Variants in AGTPBP1 observed in about 807,000 individuals in gnomAD.
AGTPBP1 encodes the protein cytosolic carboxypeptidase 1.
Under a neutral mutation model 143.9 loss-of-function variants are expected in AGTPBP1, and 70 were observed. The ratio of observed to expected loss-of-function variants is 0.49; its 90% confidence interval spans 0.40 to 0.59. The LOEUF (loss-of-function observed/expected upper bound fraction) is 0.59. AGTPBP1 is among the 20% of genes least tolerant of loss of function. The pLI, the probability that AGTPBP1 is intolerant of heterozygous loss-of-function variation, is 0.00. For missense variants in AGTPBP1, 1,229 were observed against 1,464.5 expected, an observed-to-expected ratio of 0.84 and a Z score of 2.62; for synonymous variants, 463 against 500.2, an observed-to-expected ratio of 0.93 and a Z score of 0.99.
intron 2 of AGTPBP1, among the ~76,000 whole-genome samples, chr9:85,701,067 G>A (rs1411365399): frequency 6.6e-6 from 1 of 151,108 alleles, no homozygotes; most frequent in East Asian, 2.0e-4. Flanking sequence ...ACAGGCATGT[G>A]CCACCATGCC....
At chr9:85,643,942 T>C (rs1460190461) in intron 12 of AGTPBP1, among the ~76,000 whole-genome samples, 1 of 152,188 alleles carries the variant, frequency 6.6e-6, no homozygotes, top group Non-Finnish European at 1.5e-5. Context: ...TGTATTTACT[T>C]ACTACCAGAG....
At chr9:85,606,809 A>T (rs939207988) in intron 17 of AGTPBP1, among the ~76,000 whole-genome samples, 1 of 152,108 alleles carries the variant, frequency 6.6e-6, no homozygotes, top group Non-Finnish European at 1.5e-5. Context: ...ATAGAAAGAC[A>T]AATATTGCAT....
At chr9:85,754,228 G>T in the AGTPBP1 span, among the ~76,000 whole-genome samples, 1 of 152,188 alleles carries the variant, frequency 6.6e-6, no homozygotes, top group Non-Finnish European at 1.5e-5. Flanking sequence ...GTCTCGCTCT[G>T]TCGCCCAGGC....
intron 11 of AGTPBP1, among the ~76,000 whole-genome samples, chr9:85,649,560 C>T (rs1344812132): frequency 6.6e-6 from 1 of 152,102 alleles, no homozygotes; most frequent in East Asian, 1.9e-4. Flanking sequence ...CGGTTAAGAC[C>T]TTTCTTTTCC....
At chr9:85,659,251 C>A (rs1833713754) in intron 9 of AGTPBP1, among the ~76,000 whole-genome samples, 1 of 152,120 alleles carries the variant, frequency 6.6e-6, no homozygotes. Flanking sequence ...ACCAAACTCA[C>A]AATTAGCCTA....
chr9:85,758,427 G>T, the AGTPBP1 span, among the ~76,000 whole-genome samples: 1 of 152,094 alleles, frequency 6.6e-6, no homozygotes, highest in Non-Finnish European at 1.5e-5. Flanking sequence ...GGCAGGTCAC[G>T]GGAGGTCAGG....
At chr9:85,735,219 G>A (rs1009706415) in intron 1 of AGTPBP1, among the ~76,000 whole-genome samples, 21 of 152,168 alleles carry the variant, frequency 1.4e-4, no homozygotes, top group African/African-American at 3.4e-4. Flanking sequence ...CCTGACACAC[G>A]GTACAACATG....
chr9:85,760,338 A>G, the AGTPBP1 span, among the ~76,000 whole-genome samples: 1 of 152,244 alleles, frequency 6.6e-6, no homozygotes, highest in Admixed American at 6.5e-5. Flanking sequence ...TTAGACCAAT[A>G]TCCTTGATGA....
At chr9:85,796,157 TATAC>T in the AGTPBP1 span, among the ~76,000 whole-genome samples, 1 of 152,188 alleles carries the variant, frequency 6.6e-6, no homozygotes, top group South Asian at 2.1e-4. Context: ...ATATATCTAT[TATAC>T]ATACATACAT....
chr9:85,547,045 C>T lies in AGTPBP1; in HGVS notation c.*64G>A, dbSNP rs577331626. 379 of 1,470,466 alleles carry T rather than the reference C, an allele frequency of 2.6e-4. 3 individuals are homozygous for T. The South Asian group carries it at 5.1e-3, about 20-fold the overall frequency. The allele number at this position is 1,470,466 out of a possible 1,614,324, so 91.1% of individuals were successfully genotyped here. A position where few individuals can be genotyped will look rare whatever the true frequency, so the allele number is the denominator to read the frequency against. The stretch of plus-strand genomic sequence containing the variant: ...GTATAAACTCATTTCTCTCAAGCTT[C>T]CTGGGAAATAAAAACCAAGATATTT... On this transcript the variant is annotated 3_prime_UTR_variant, in exon 26 of 26. Coordinates refer to ENST00000357081, the MANE Select transcript of AGTPBP1 (RefSeq NM_001330701.2).
chr9:85,653,264 C>T (rs555252774), intron 11 of AGTPBP1, among the ~76,000 whole-genome samples: 24 of 151,894 alleles, frequency 1.6e-4, no homozygotes, highest in Admixed American at 1.4e-3. Flanking sequence ...TAATGGAAAA[C>T]AGAATGAGAG....
intron 25 of AGTPBP1, among the ~76,000 whole-genome samples, chr9:85,550,036 T>C (rs748474914): frequency 2.6e-5 from 4 of 152,138 alleles, no homozygotes; most frequent in African/African-American, 9.7e-5. Context: ...AAGGTCTACA[T>C]TGGAGCTGAA....
chr9:85,593,937 C>T (rs2133248994), intron 18 of AGTPBP1, among the ~76,000 whole-genome samples: 1 of 152,072 alleles, frequency 6.6e-6, no homozygotes, highest in East Asian at 1.9e-4. Flanking sequence ...TGAAGAAAAA[C>T]CAGGGCCTAT....
the AGTPBP1 span, among the ~76,000 whole-genome samples, chr9:85,797,129 T>A: frequency 2.0e-5 from 3 of 151,956 alleles, no homozygotes; most frequent in Non-Finnish European, 4.4e-5. Context: ...TCTCTCTCTC[T>A]TTTTTCTGAG....
chr9:85,783,626 T>G, the AGTPBP1 span, among the ~76,000 whole-genome samples: 4 of 147,756 alleles, frequency 2.7e-5, no homozygotes, highest in Non-Finnish European at 6.0e-5. Flanking sequence ...TGGTGCATTG[T>G]TTTTTTTTTG....
intron 2 of AGTPBP1, among the ~76,000 whole-genome samples, chr9:85,702,313 C>G (rs899579867): frequency 3.9e-5 from 6 of 152,162 alleles, no homozygotes; most frequent in African/African-American, 1.2e-4. Flanking sequence ...TATCTCCAAT[C>G]TCTTTAATCA....
the AGTPBP1 span, among the ~76,000 whole-genome samples, chr9:85,750,106 T>G: frequency 6.6e-6 from 1 of 152,090 alleles, no homozygotes; most frequent in Non-Finnish European, 1.5e-5. Context: ...ATGGTCTTGA[T>G]CTCCTGACAT....
At chr9:85,700,621 A>C (rs1275545478) in intron 2 of AGTPBP1, among the ~76,000 whole-genome samples, 1 of 152,220 alleles carries the variant, frequency 6.6e-6, no homozygotes, top group East Asian at 1.9e-4. Flanking sequence ...AGTGAGATGT[A>C]GGCAGATGAG....
At chr9:85,776,023 TC>T in the AGTPBP1 span, among the ~76,000 whole-genome samples, 8 of 152,104 alleles carry the variant, frequency 5.3e-5, no homozygotes, top group African/African-American at 1.9e-4. Flanking sequence ...CATACACATC[TC>T]CTGAGATCAT....
Sources: allele counts gnomAD v4.1 joint callset (sites outside exome capture counted in the v4.1 genomes callset), GRCh38; gene constraint gnomAD v4.1.1; transcripts MANE v1.5; gene names NCBI Gene and HGNC (gene_info 2026-07-23, HGNC 2026-07-21).